LINC00305: variants seen among roughly 807,000 people sequenced by gnomAD.
LINC00305 encodes the protein long intergenic non-protein coding RNA 305.
intron 3 of LINC00305, among the ~76,000 whole-genome samples, chr18:64,097,147 A>G (rs956933761): frequency 7.9e-5 from 12 of 152,084 alleles, no homozygotes; most frequent in Admixed American, 2.6e-4. Context: ...ATAACTGGAT[A>G]TAACTATCCA....
At chr18:64,101,205 G>C (rs1380893907) in intron 1 of LINC00305, among the ~76,000 whole-genome samples, 3 of 152,268 alleles carry the variant, frequency 2.0e-5, no homozygotes, top group East Asian at 3.9e-4. Flanking sequence ...AGAATGAAAT[G>C]AACCTGAGCA....
chr18:64,148,577 TG>T (rs1407711263), intron 1 of LINC00305, among the ~76,000 whole-genome samples: 1 of 152,044 alleles, frequency 6.6e-6, no homozygotes, highest in Non-Finnish European at 1.5e-5. Context: ...GAAAGCAAGA[TG>T]GGGGGTTATC....
intron 1 of LINC00305, among the ~76,000 whole-genome samples, chr18:64,129,003 A>G (rs138969239): frequency 0.013 from 1,910 of 152,190 alleles, 23 homozygotes; most frequent in Middle Eastern, 0.027. Flanking sequence ...GTTGCTTTGG[A>G]TCTTTTATAA....
chr18:64,108,685 A>C (rs2051302093), intron 1 of LINC00305, among the ~76,000 whole-genome samples: 1 of 152,234 alleles, frequency 6.6e-6, no homozygotes, highest in African/African-American at 2.4e-5. Context: ...GGTGGAGGTC[A>C]AGAAAGTCAC....
At chr18:64,120,510 G>A (rs887197920) in intron 1 of LINC00305, among the ~76,000 whole-genome samples, 1 of 151,632 alleles carries the variant, frequency 6.6e-6, no homozygotes, top group African/African-American at 2.4e-5. Context: ...TAACATATTA[G>A]TCGTCGAAAT....
chr18:64,098,795 C>T (rs181893806), intron 1 of LINC00305, among the ~76,000 whole-genome samples: 27 of 152,302 alleles, frequency 1.8e-4, no homozygotes, highest in African/African-American at 6.0e-4. Flanking sequence ...GACGTGTCCT[C>T]TATTTGCACC....
intron 1 of LINC00305, among the ~76,000 whole-genome samples, chr18:64,122,235 T>A (rs574794647): frequency 1.1e-3 from 170 of 152,184 alleles, no homozygotes; most frequent in Admixed American, 1.9e-3. Context: ...GCTTTGGGGG[T>A]CTTAGTCATG....
chr18:64,147,202 C>T (rs141111254), intron 1 of LINC00305: 62 of 152,218 alleles, frequency 4.1e-4, no homozygotes, highest in African/African-American at 1.2e-3. Context: ...TATTCATTCC[C>T]TTCAGAAAAT....
intron 1 of LINC00305, among the ~76,000 whole-genome samples, chr18:64,127,044 C>A (rs1011488539): frequency 4.6e-5 from 7 of 151,892 alleles, no homozygotes; most frequent in African/African-American, 1.7e-4. Context: ...TACATATATC[C>A]CAGTTACAGA....
intron 1 of LINC00305, among the ~76,000 whole-genome samples, chr18:64,134,324 TCA>T (rs1438949559): frequency 4.6e-5 from 7 of 152,180 alleles, no homozygotes; most frequent in East Asian, 1.9e-4. Flanking sequence ...AGCAGGCAAA[TCA>T]CAGTTTCATA....
intron 3 of LINC00305, among the ~76,000 whole-genome samples, chr18:64,089,979 C>T (rs2051218588): frequency 6.6e-6 from 1 of 152,164 alleles, no homozygotes; most frequent in Admixed American, 6.5e-5. Flanking sequence ...CAAACCATAT[C>T]AGTGCCTGTT....
intron 1 of LINC00305, among the ~76,000 whole-genome samples, chr18:64,141,036 T>C (rs2051460020): frequency 1.8e-5 from 2 of 108,430 alleles, no homozygotes; most frequent in Non-Finnish European, 1.7e-5. Flanking sequence ...ATTCTGCCGA[T>C]AATCAGCCTG....
At chr18:64,135,602 T>C (rs1451474288) in intron 1 of LINC00305, among the ~76,000 whole-genome samples, 1 of 152,182 alleles carries the variant, frequency 6.6e-6, no homozygotes, top group African/African-American at 2.4e-5. Flanking sequence ...CTTTTTTATT[T>C]TGAGACAGAG....
At chr18:64,130,197 A>C (rs1466773048) in intron 1 of LINC00305, among the ~76,000 whole-genome samples, 1 of 152,120 alleles carries the variant, frequency 6.6e-6, no homozygotes, top group Non-Finnish European at 1.5e-5. Flanking sequence ...ATGTACCTTC[A>C]GTAGTTTGTG....
At chr18:64,143,780 ATGTACACATATTATGCGTACAT>A (rs2051482755) in intron 1 of LINC00305, among the ~76,000 whole-genome samples, 3 of 99,040 alleles carry the variant, frequency 3.0e-5, no homozygotes, top group East Asian at 8.6e-4. Flanking sequence ...GCGTACATGT[ATGTACACATATTATGCGTACAT>A]GTATGTATAC....
chr18:64,106,211 C>G (rs1435572564), intron 1 of LINC00305, among the ~76,000 whole-genome samples: 1 of 152,176 alleles, frequency 6.6e-6, no homozygotes, highest in Admixed American at 6.5e-5. Flanking sequence ...CTCCAGTGAT[C>G]CATTGCTCAC....
intron 3 of LINC00305, among the ~76,000 whole-genome samples, chr18:64,086,410 T>C (rs1221234937): frequency 2.6e-5 from 4 of 152,176 alleles, no homozygotes; most frequent in Non-Finnish European, 5.9e-5. Flanking sequence ...TATGGATAAT[T>C]TGATAATGTG....
intron 3 of LINC00305, among the ~76,000 whole-genome samples, chr18:64,085,861 G>T (rs371339669): frequency 3.9e-5 from 6 of 152,308 alleles, no homozygotes; most frequent in East Asian, 1.9e-4. Context: ...TTTTGGTGCT[G>T]ACTCTGCCAT....
chr18:64,135,427 G>A (rs1041663671), intron 1 of LINC00305, among the ~76,000 whole-genome samples: 4 of 152,036 alleles, frequency 2.6e-5, no homozygotes, highest in Non-Finnish European at 5.9e-5. Context: ...GTAACCCTGA[G>A]GTTTTTAGGG....
Sources: gnomAD v4.1 joint callset for allele counts (sites outside exome capture counted in the v4.1 genomes callset) on GRCh38, gnomAD v4.1.1 for gene constraint, MANE v1.5 for transcripts, NCBI Gene and HGNC (gene_info 2026-07-23, HGNC 2026-07-21) for gene names.